XRN1: variants seen among roughly 807,000 people sequenced by gnomAD.
XRN1 encodes the protein strand-exchange protein 1 homolog.
A neutral mutation model predicts 222.3 loss-of-function variants in XRN1; 67 were observed. The ratio of observed to expected loss-of-function variants is 0.30; its 90% CI spans 0.25 to 0.37. XRN1 has a LOEUF of 0.37. XRN1 is among the 10% of genes least tolerant of loss of function. The probability of loss-of-function intolerance (pLI) is 1.00; values close to 1 mark genes in which losing one functional copy is unlikely to be tolerated. For synonymous variants in XRN1, 643 were observed against 652.4 expected, an observed-to-expected ratio of 0.99 and a Z score of 0.22; for missense variants, 1,707 against 2,000.2, an observed-to-expected ratio of 0.85 and a Z score of 2.80.
intron 34 of XRN1, among the ~76,000 whole-genome samples, chr3:142,335,100 C>G (rs1360804903): frequency 6.6e-6 from 1 of 151,918 alleles, no homozygotes; most frequent in East Asian, 1.9e-4. Context: ...CTTGGCCTCC[C>G]AAAGTGCTAG....
intron 37 of XRN1, among the ~76,000 whole-genome samples, chr3:142,321,375 C>T (rs2065351629): frequency 6.6e-6 from 1 of 152,166 alleles, no homozygotes; most frequent in African/African-American, 2.4e-5. Context: ...CCTGCCTCGG[C>T]CTCTGAAAAT....
intron 25 of XRN1, among the ~76,000 whole-genome samples, chr3:142,371,530 C>T (rs918825223): frequency 3.2e-4 from 49 of 152,124 alleles, no homozygotes; most frequent in African/African-American, 1.1e-3. Context: ...AAAACTCCCA[C>T]TGGCTAAGGT....
chr3:142,401,403 A>G (rs2068124116), intron 18 of XRN1, among the ~76,000 whole-genome samples: 1 of 152,326 alleles, frequency 6.6e-6, no homozygotes, highest in Admixed American at 6.5e-5. Flanking sequence ...TAATATCTTA[A>G]GTAAAAAATT....
Position 142,365,191 on chromosome 3 carries a change from A to C in XRN1, c.3262-12T>G. ...TGCTGTTCTAAAGGCTGAAGAGAAG[A>C]AAGCTATTAATTATAATAAACAAAA... is the stretch of plus-strand genomic sequence containing the variant. On this transcript the variant is annotated splice_polypyrimidine_tract_variant and intron_variant, in intron 28 of 40. Coordinates refer to ENST00000392981, the MANE Select transcript of XRN1 (RefSeq NM_001282857.2). 1.3e-6 allele frequency: 2 copies of C among 1,597,672 alleles called. No homozygotes were observed. The highest frequency in any genetic ancestry group is 1.7e-6 in the Non-Finnish European group (2 of 1,174,968).
At chr3:142,417,623 G>C (rs919868366) in intron 12 of XRN1, among the ~76,000 whole-genome samples, 2 of 152,198 alleles carry the variant, frequency 1.3e-5, no homozygotes, top group African/African-American at 4.8e-5. Context: ...GAGAAGCAAA[G>C]CAGCAAATCA....
chr3:142,325,580 G>A (rs866637565), intron 37 of XRN1, among the ~76,000 whole-genome samples: 5 of 152,010 alleles, frequency 3.3e-5, no homozygotes, highest in Admixed American at 1.3e-4. Flanking sequence ...TATCTTGTCA[G>A]ATGGGTAGTT....
chr3:142,384,097 C>G (rs1050137409), intron 21 of XRN1, among the ~76,000 whole-genome samples: 1 of 151,750 alleles, frequency 6.6e-6, no homozygotes, highest in Non-Finnish European at 1.5e-5. Flanking sequence ...GGTGAAACCC[C>G]ATCTCCACTA....
intron 4 of XRN1, 42 bp from the exon 5 acceptor site, chr3:142,425,374 G>A: frequency 6.3e-7 from 1 of 1,583,090 alleles, no homozygotes; most frequent in Non-Finnish European, 8.6e-7. Flanking sequence ...TATGGTATAT[G>A]CTTGAGAATA....
chr3:142,375,096 T>C (rs946378033), intron 25 of XRN1, among the ~76,000 whole-genome samples: 4 of 152,176 alleles, frequency 2.6e-5, no homozygotes, highest in Admixed American at 1.3e-4. Context: ...ACCATCATTG[T>C]CCTGCAATAT....
At chr3:142,398,634 T>C (rs2068017660) in intron 19 of XRN1, among the ~76,000 whole-genome samples, 1 of 152,154 alleles carries the variant, frequency 6.6e-6, no homozygotes, top group Admixed American at 6.5e-5. Context: ...CCCAAAGTGC[T>C]GAGATTACAG....
chr3:142,398,755 A>G (rs2068021343), intron 19 of XRN1, among the ~76,000 whole-genome samples: 1 of 152,216 alleles, frequency 6.6e-6, no homozygotes, highest in Admixed American at 6.5e-5. Context: ...TATGTGGGAT[A>G]GACGACAAAG....
Position 142,414,322 on chromosome 3 carries a change from G to A in XRN1, c.1437-31C>T, listed in dbSNP as rs201207509. 12 of 1,487,990 alleles carry A rather than the reference G, an allele frequency of 8.1e-6. No individual in the cohort carries two copies. The East Asian group carries it at 2.9e-4, about 36-fold the overall frequency. The allele number at this position is 1,487,990 out of a possible 1,614,324, so 92.2% of individuals were successfully genotyped here. A position where few individuals can be genotyped will look rare whatever the true frequency, so the allele number is the denominator to read the frequency against. ...AAACAAAACTGAGTTTTAAACAAGT[G>A]GCATCTTTATGAATTAGGTTAATAA... On this transcript the variant is annotated intron_variant, in intron 13 of 40. Transcript: ENST00000392981.
intron 37 of XRN1, among the ~76,000 whole-genome samples, chr3:142,322,958 A>G (rs568951734): frequency 2.0e-5 from 3 of 152,196 alleles, no homozygotes; most frequent in Non-Finnish European, 2.9e-5. Context: ...AGCTGAGATC[A>G]CAGCACTGCA....
At position 142,311,061 on chromosome 3, in the gene XRN1, A is replaced by G. The variant is rs2065064112; in HGVS notation, c.*450T>C. ...CATTAAAAAGAGAAATAAAATCCAC[A>G]TTCAGTAAGTTATACTGGAGGCCCA... On this transcript the variant is annotated 3_prime_UTR_variant, in exon 41 of 41. Transcript: ENST00000392981. The G allele has an allele frequency of 6.5e-6, 1 of 152,864 alleles. No individual in the cohort carries two copies. The highest frequency in any genetic ancestry group is 6.5e-5 in the Admixed American group (1 of 15,312). 9.5% of individuals were successfully genotyped at this position (152,864 alleles called of 1,614,324 possible).
intron 20 of XRN1, among the ~76,000 whole-genome samples, chr3:142,387,746 G>C (rs1026780227): frequency 6.6e-6 from 1 of 152,218 alleles, no homozygotes; most frequent in Non-Finnish European, 1.5e-5. Flanking sequence ...CCTGGTGAGA[G>C]ATGTCTGGGT....
chr3:142,399,872 TG>T, intron 19 of XRN1, among the ~76,000 whole-genome samples: 1 of 150,454 alleles, frequency 6.6e-6, no homozygotes, highest in Non-Finnish European at 1.5e-5. Context: ...CCATCTTCTC[TG>T]AAAAAAAATT....
chr3:142,392,401 A>C (rs1261531884), intron 20 of XRN1, among the ~76,000 whole-genome samples: 2 of 151,868 alleles, frequency 1.3e-5, no homozygotes, highest in Non-Finnish European at 2.9e-5. Flanking sequence ...ATATGTATAC[A>C]TATGCCATGC....
intron 33 of XRN1, among the ~76,000 whole-genome samples, chr3:142,343,043 C>T (rs1338280064): frequency 1.3e-5 from 2 of 151,958 alleles, no homozygotes; most frequent in African/African-American, 2.4e-5. Context: ...TGGATAATAA[C>T]CAGAATATAT....
At chr3:142,333,415 T>C (rs750138350) in intron 34 of XRN1, among the ~76,000 whole-genome samples, 8 of 152,108 alleles carry the variant, frequency 5.3e-5, no homozygotes, top group Non-Finnish European at 7.4e-5. Context: ...TAATATGTAA[T>C]AGTGTTCTAA....
Sources: gnomAD v4.1 joint callset for allele counts (sites outside exome capture counted in the v4.1 genomes callset) on GRCh38, gnomAD v4.1.1 for gene constraint, MANE v1.5 for transcripts, NCBI Gene and HGNC (gene_info 2026-07-23, HGNC 2026-07-21) for gene names.